FIG4: variants seen among roughly 807,000 people sequenced by gnomAD.
The protein encoded by FIG4 is FIG4 phosphoinositide 5-phosphatase.
A neutral mutation model predicts 118.6 loss-of-function variants in FIG4; 112 were observed. The observed-to-expected ratio is 0.94, with a 90% CI of 0.81 to 1.11. The LOEUF is 1.11. Ranked by LOEUF, FIG4 falls within the 50% of genes least tolerant of loss-of-function variation. The pLI is 0.00. For missense variants in FIG4, 969 were observed against 1,111.7 expected (o/e 0.87, Z 1.83); for synonymous variants, 369 against 381.2 (o/e 0.97, Z 0.37).
At chr6:109,802,980 C>T (rs2128399394) in intron 22 of FIG4, among the ~76,000 whole-genome samples, 1 of 152,238 alleles carries the variant, frequency 6.6e-6, no homozygotes, top group South Asian at 2.1e-4. Flanking sequence ...CGAACGAGAG[C>T]TTTCATGGGC....
chr6:109,760,429 T>C (rs1193192906), intron 11 of FIG4, 46 bp downstream of exon 11: 2 of 1,546,898 alleles, frequency 1.3e-6, no homozygotes, highest in Non-Finnish European at 1.8e-6. Context: ...CCTTTTCTTG[T>C]GATGAGAAAT....
At chr6:109,762,710 A>G (rs536032994) in intron 12 of FIG4, among the ~76,000 whole-genome samples, 3 of 151,862 alleles carry the variant, frequency 2.0e-5, no homozygotes, top group Non-Finnish European at 4.4e-5. Flanking sequence ...ATCATAAGAC[A>G]ATAAAAAAGA....
At chr6:109,781,099 A>G (rs1029323326) in intron 16 of FIG4, among the ~76,000 whole-genome samples, 2 of 152,296 alleles carry the variant, frequency 1.3e-5, no homozygotes, top group African/African-American at 2.4e-5. Context: ...AATCTGGCCT[A>G]TGCTTGACAA....
At chr6:109,806,082 ATGCTTATC>A (rs1778557095) in intron 22 of FIG4, among the ~76,000 whole-genome samples, 1 of 152,152 alleles carries the variant, frequency 6.6e-6, no homozygotes, top group Non-Finnish European at 1.5e-5. Context: ...TGTTTTGCAC[ATGCTTATC>A]TGTTCATTAT....
intron 16 of FIG4, among the ~76,000 whole-genome samples, chr6:109,777,670 G>T (rs11757485): frequency 0.29 from 44,486 of 152,134 alleles, 7,124 homozygotes; most frequent in Non-Finnish European, 0.37. Flanking sequence ...ACTAGCTAGC[G>T]TCAGATAACC....
chr6:109,771,390 A>G (rs1404527613), intron 15 of FIG4, among the ~76,000 whole-genome samples: 2 of 151,144 alleles, frequency 1.3e-5, no homozygotes, highest in Non-Finnish European at 1.5e-5. Context: ...ACAACACCTC[A>G]GTCTCATCTG....
chr6:109,745,446 T>G (rs1776462145), intron 10 of FIG4, among the ~76,000 whole-genome samples: 1 of 152,232 alleles, frequency 6.6e-6, no homozygotes, highest in East Asian at 1.9e-4. Context: ...TGTCTTCTTT[T>G]GAGAAGTGTC....
chr6:109,720,274 C>T (rs1583647024), intron 3 of FIG4, among the ~76,000 whole-genome samples: 1 of 152,126 alleles, frequency 6.6e-6, no homozygotes, highest in Non-Finnish European at 1.5e-5. Flanking sequence ...GTAGTGGATA[C>T]TGAAATTATT....
At chr6:109,753,928 T>C (rs1437454981) in intron 10 of FIG4, among the ~76,000 whole-genome samples, 1 of 152,226 alleles carries the variant, frequency 6.6e-6, no homozygotes, top group Non-Finnish European at 1.5e-5. Context: ...GAATACCCTT[T>C]ATTTCCTTCT....
chr6:109,724,757 A>G (rs1438267671), intron 3 of FIG4, among the ~76,000 whole-genome samples: 1 of 151,282 alleles, frequency 6.6e-6, no homozygotes, highest in Non-Finnish European at 1.5e-5. Flanking sequence ...TATGTTTTTA[A>G]ACATTATTTC....
Position 109,777,109 on chromosome 6 carries a change from T to G in FIG4, c.1889+49T>G, listed in dbSNP as rs1367407119. The stretch of plus-strand genomic sequence containing the variant: ...TATAAACTCCCATTTGGTGTTATTT[T>G]GAATATGAGATACTTTTCATTTTGA... On this transcript the variant is annotated intron_variant, in intron 16 of 22. Transcript: ENST00000230124. 2.0e-6 allele frequency: 3 copies of G among 1,498,090 alleles called. No individual in the cohort carries two copies. The African/African-American group carries it at 4.1e-5, about 21-fold the overall frequency. The allele number at this position is 1,498,090 out of a possible 1,614,324, so 92.8% of individuals were successfully genotyped here.
intron 1 of FIG4, among the ~76,000 whole-genome samples, chr6:109,696,449 T>G (rs1774722450): frequency 6.6e-6 from 1 of 152,204 alleles, no homozygotes; most frequent in Admixed American, 6.5e-5. Context: ...CCATGTTTAT[T>G]GTAGCACTAT....
chr6:109,767,825 TC>T (rs1692963970), intron 15 of FIG4, among the ~76,000 whole-genome samples: 1 of 151,740 alleles, frequency 6.6e-6, no homozygotes, highest in South Asian at 2.1e-4. Flanking sequence ...CGAGCCGAGA[TC>T]GCGCCACTGC....
rs1774503976 is a variant in FIG4 at position 109,692,442 on chromosome 6, G to A, written c.66+941G>A. On this transcript the variant is annotated intron_variant, in intron 1 of 22. Transcript: ENST00000230124. ...TGAGAAGGCATTTAACAGTTTCTCA[G>A]TTATAACGTAGTCCTAATAGCACAA... 2.6e-5 allele frequency among the ~76,000 whole-genome samples: 4 copies of A among 152,204 alleles called. No individual in the cohort carries two copies. In the South Asian group the frequency reaches 8.3e-4, roughly 31 times the overall value.
chr6:109,767,797 C>T (rs752983199), intron 15 of FIG4, among the ~76,000 whole-genome samples: 1 of 151,910 alleles, frequency 6.6e-6, no homozygotes, highest in African/African-American at 2.4e-5. Flanking sequence ...GTGTGAACTC[C>T]GGAGGCAGAG....
chr6:109,751,098 A>G (rs1776681322), intron 10 of FIG4, among the ~76,000 whole-genome samples: 1 of 152,198 alleles, frequency 6.6e-6, no homozygotes. Context: ...TTGAAAAGTA[A>G]TCTCCATGAT....
intron 1 of FIG4, among the ~76,000 whole-genome samples, chr6:109,695,723 G>A (rs751845379): frequency 1.3e-5 from 2 of 151,986 alleles, no homozygotes; most frequent in African/African-American, 4.8e-5. Context: ...TTGACTTTAG[G>A]ATCATACTGG....
intron 7 of FIG4, among the ~76,000 whole-genome samples, chr6:109,740,709 A>G (rs879613779): frequency 5.9e-5 from 9 of 152,150 alleles, no homozygotes; most frequent in Non-Finnish European, 1.2e-4. Context: ...TAAATGACAC[A>G]TGTTCTCTTT....
intron 16 of FIG4, among the ~76,000 whole-genome samples, chr6:109,780,886 G>A (rs1777782711): frequency 6.6e-6 from 1 of 152,194 alleles, no homozygotes; most frequent in African/African-American, 2.4e-5. Flanking sequence ...ACCACTAATT[G>A]AAGCTTTGTT....
Sources: allele counts gnomAD v4.1 joint callset (sites outside exome capture counted in the v4.1 genomes callset), GRCh38; gene constraint gnomAD v4.1.1; transcripts MANE v1.5; gene names NCBI Gene and HGNC (gene_info 2026-07-23, HGNC 2026-07-21).